Variants in VGLL4 observed in about 807,000 individuals in gnomAD.
VGLL4 encodes vestigial like family member 4, also known as transcription cofactor vestigial-like protein 4.
VGLL4 carries 7 observed loss-of-function variants against 21.0 expected under a neutral mutation model. The ratio of observed to expected loss-of-function variants is 0.33; its 90% CI spans 0.19 to 0.63. The LOEUF (loss-of-function observed/expected upper bound fraction) is 0.63. Among genes scored for constraint, VGLL4 ranks in the 20% least tolerant of loss-of-function variants. VGLL4 has a pLI of 0.78. For missense variants in VGLL4, 394 were observed against 425.7 expected (o/e 0.93, Z 0.66); for synonymous variants, 222 against 173.2 (o/e 1.28, Z -2.21).
intron 2 of VGLL4, among the ~76,000 whole-genome samples, chr3:11,655,765 ACTCGTCTCACTGCATAGGAG>A (rs1473290998): frequency 6.6e-6 from 1 of 151,838 alleles, no homozygotes; most frequent in Non-Finnish European, 1.5e-5. Flanking sequence ...GTTTCTAGTG[ACTCGTCTCACTGCATAGGAG>A]CCTGCCCTCA....
intron 2 of VGLL4, among the ~76,000 whole-genome samples, chr3:11,574,970 C>T (rs1464488218): frequency 6.6e-6 from 1 of 152,112 alleles, no homozygotes; most frequent in South Asian, 2.1e-4. Flanking sequence ...ACCCTTTTGG[C>T]TTGGTAGTGT....
chr3:11,665,865 G>T (rs1248848380), intron 2 of VGLL4, among the ~76,000 whole-genome samples: 4 of 152,210 alleles, frequency 2.6e-5, no homozygotes, highest in Non-Finnish European at 4.4e-5. Context: ...TGCAAGCAAG[G>T]CACAGGTAGG....
chr3:11,700,587 C>T (rs1351107471), intron 2 of VGLL4, among the ~76,000 whole-genome samples: 2 of 152,058 alleles, frequency 1.3e-5, no homozygotes, highest in East Asian at 3.9e-4. Context: ...AGGCCTGACA[C>T]GATGTCCTCC....
At chr3:11,652,873 A>C (rs2075897136) in intron 2 of VGLL4, among the ~76,000 whole-genome samples, 1 of 152,238 alleles carries the variant, frequency 6.6e-6, no homozygotes, top group Non-Finnish European at 1.5e-5. Context: ...ATGTTTACAT[A>C]CATGATTATT....
intron 1 of VGLL4, among the ~76,000 whole-genome samples, chr3:11,712,179 C>A (rs1244585850): frequency 2.0e-5 from 3 of 152,122 alleles, no homozygotes; most frequent in Non-Finnish European, 2.9e-5. Flanking sequence ...AAGTTTGAGC[C>A]CTACTTTAAA....
intron 3 of VGLL4, among the ~76,000 whole-genome samples, chr3:11,563,115 C>G (rs1486483331): frequency 2.6e-5 from 4 of 152,240 alleles, no homozygotes; most frequent in African/African-American, 9.6e-5. Context: ...CAAGAACACA[C>G]TAAGCCCGCC....
chr3:11,643,459 ATTG>A lies in VGLL4; in HGVS notation c.57_59del (p.Asn20del), dbSNP rs2075735018. ...TACCTTCGTAGCACAGAATGCCGAT[ATTG>A]TTGTTCATCTTGTCCAAGTACTGAT... is the stretch of plus-strand genomic sequence containing the variant. On this transcript the variant is annotated inframe_deletion, in exon 1 of 5. Transcript: ENST00000430365. 12 of 1,613,904 alleles carry A rather than the reference ATTG, an allele frequency of 7.4e-6. No homozygotes were observed. Among genetic ancestry groups the A allele is most frequent in the Non-Finnish European group, 8.5e-6 (10 of 1,179,904 alleles).
At chr3:11,620,561 A>C (rs1047979251) in intron 1 of VGLL4, among the ~76,000 whole-genome samples, 2 of 152,218 alleles carry the variant, frequency 1.3e-5, no homozygotes, top group African/African-American at 2.4e-5. Flanking sequence ...CAGACCTGCC[A>C]CTACCAAAAC....
intron 2 of VGLL4, among the ~76,000 whole-genome samples, chr3:11,690,783 T>C (rs763700287): frequency 1.3e-5 from 2 of 152,180 alleles, no homozygotes; most frequent in Non-Finnish European, 2.9e-5. Flanking sequence ...AAAAGGCAGT[T>C]ACAATAAATC....
intron 2 of VGLL4, among the ~76,000 whole-genome samples, chr3:11,569,845 C>T (rs1372586260): frequency 1.3e-5 from 2 of 152,158 alleles, no homozygotes; most frequent in Non-Finnish European, 2.9e-5. Flanking sequence ...CACGCCACTG[C>T]ACTTTAGCCT....
intron 1 of VGLL4, among the ~76,000 whole-genome samples, chr3:11,617,367 G>C (rs73814931): frequency 1.1e-3 from 174 of 152,294 alleles, no homozygotes; most frequent in African/African-American, 4.0e-3. Context: ...GAACACAGGT[G>C]AACGGCTGAG....
chr3:11,690,448 T>A (rs894281491), intron 2 of VGLL4, among the ~76,000 whole-genome samples: 4 of 152,230 alleles, frequency 2.6e-5, no homozygotes, highest in African/African-American at 9.6e-5. Context: ...AATACTTTTT[T>A]CTAATTTAAA....
chr3:11,587,278 C>T (rs868350605), intron 2 of VGLL4, among the ~76,000 whole-genome samples: 103 of 152,294 alleles, frequency 6.8e-4, no homozygotes, highest in African/African-American at 2.4e-3. Context: ...CTAGAGGAAT[C>T]CCTGCCGATG....
rs115283780 is a variant in VGLL4, at chr3:11,685,093, T to A, written c.64+17878A>T. 1.9e-3 allele frequency among the ~76,000 whole-genome samples: 297 copies of A among 152,336 alleles called. 1 individual carries two copies. Among genetic ancestry groups the A allele is most frequent in the African/African-American group, 7.0e-3 (289 of 41,576 alleles). ...TGAGAATGTGAGGTATTTGGTTTTT[T>A]GTTCCTGCGTTAGTTTACTAAGGAT... On this transcript the variant is annotated intron_variant, in intron 2 of 5. Coordinates refer to the VGLL4 transcript ENST00000273038.
chr3:11,596,551 A>T (rs542820508), intron 2 of VGLL4, among the ~76,000 whole-genome samples: 1 of 152,108 alleles, frequency 6.6e-6, no homozygotes, highest in Non-Finnish European at 1.5e-5. Flanking sequence ...AGCTCGGGAG[A>T]GTTGGGTTAG....
At position 11,565,084 on chromosome 3, in the gene VGLL4, G is replaced by C. The variant is rs544213017; in HGVS notation, c.273-65C>G. 2.8e-5 allele frequency: 38 copies of C among 1,360,896 alleles called. No homozygotes were observed. The highest frequency in any genetic ancestry group is 3.5e-5 in the Non-Finnish European group (36 of 1,031,276). The allele number at this position is 1,360,896 out of a possible 1,614,324, so 84.3% of individuals were successfully genotyped here. ...AAGGCAAAGGGGACAGTGACTGTGCGCCAGGCACTCCGTGTTGCTTATTTA... is the reference window on the plus strand; with the variant it reads ...AAGGCAAAGGGGACAGTGACTGTGCCCCAGGCACTCCGTGTTGCTTATTTA... On this transcript the variant is annotated intron_variant, in intron 2 of 4. Transcript: ENST00000430365. The surrounding 1 kb of genome is among the most constrained non-coding windows in gnomAD (Gnocchi z 4.1).
At chr3:11,579,699 T>TC (rs1197473738) in intron 2 of VGLL4, among the ~76,000 whole-genome samples, 6 of 151,676 alleles carry the variant, frequency 4.0e-5, no homozygotes, top group South Asian at 2.1e-4. Flanking sequence ...AGAAGCACCC[T>TC]CCCCCCCAAG....
chr3:11,659,401 G>A (rs151302754), intron 2 of VGLL4, among the ~76,000 whole-genome samples: 1,968 of 128,672 alleles, frequency 0.015, 51 homozygotes, highest in African/African-American at 0.056. Flanking sequence ...GTGTGATCTC[G>A]GCTCACCGCA....
intron 2 of VGLL4, among the ~76,000 whole-genome samples, chr3:11,601,199 C>A (rs2074787505): frequency 6.6e-6 from 1 of 152,196 alleles, no homozygotes; most frequent in African/African-American, 2.4e-5. Flanking sequence ...AAAACTGAGG[C>A]CCAAAGAGTT....
Sources: gnomAD v4.1 joint callset for allele counts (sites outside exome capture counted in the v4.1 genomes callset) on GRCh38, gnomAD v4.1.1 for gene constraint, Gnocchi (gnomAD v3.1) non-coding constraint, MANE v1.5 for transcripts, NCBI Gene and HGNC (gene_info 2026-07-23, HGNC 2026-07-21) for gene names.